Variants in NALF1 observed in about 807,000 individuals in gnomAD.
The protein encoded by NALF1 is family with sequence similarity 155 member A.
Under a neutral mutation model 48.4 loss-of-function variants are expected in NALF1, and 3 were observed. The ratio of observed to expected loss-of-function variants is 0.06; its 90% CI spans 0.03 to 0.16. NALF1 has a LOEUF of 0.16. Among genes scored for constraint, NALF1 ranks in the 10% least tolerant of loss-of-function variants. The pLI, the probability that NALF1 is intolerant of heterozygous loss-of-function variation, is 1.00. For synonymous variants in NALF1, 262 were observed against 245.7 expected, an observed-to-expected ratio of 1.07 and a Z score of -0.62; for missense variants, 526 against 571.5, an observed-to-expected ratio of 0.92 and a Z score of 0.81.
chr13:107,457,080 G>A (rs562022708), intron 1 of NALF1, among the ~76,000 whole-genome samples: 2 of 152,250 alleles, frequency 1.3e-5, no homozygotes, highest in African/African-American at 2.4e-5. Context: ...CTAAGGTTTA[G>A]ATAAAATCAT....
chr13:107,844,421 A>T (rs1210835519), intron 1 of NALF1, among the ~76,000 whole-genome samples: 1 of 152,186 alleles, frequency 6.6e-6, no homozygotes, highest in African/African-American at 2.4e-5. Context: ...CATTCTTAAG[A>T]TATACTTCAA....
intron 2 of NALF1, among the ~76,000 whole-genome samples, chr13:107,199,673 C>T (rs181425938): frequency 8.5e-5 from 13 of 152,210 alleles, no homozygotes; most frequent in Non-Finnish European, 1.3e-4. Flanking sequence ...TTCCAGGTAG[C>T]GGAGGTGTGT....
At position 107,467,936 on chromosome 13, in the gene NALF1, T is replaced by C. The variant is rs1017802050; in HGVS notation, c.916-257181A>G. Among the ~76,000 whole-genome samples the C allele has an allele frequency of 2.0e-5, 3 of 151,454 alleles. 1 individual carries two copies. The highest frequency in any genetic ancestry group is 2.9e-5 in the Non-Finnish European group (2 of 67,964). ...GGTGGCGGGCGCCTGTAGTCCCAGC[T>C]ACTCGGGAGGCTGAGGCAGGAGAAT... On this transcript the variant is annotated intron_variant, in intron 1 of 2. Coordinates refer to ENST00000375915, the MANE Select transcript of NALF1 (RefSeq NM_001080396.3).
intron 1 of NALF1, among the ~76,000 whole-genome samples, chr13:107,651,703 G>C (rs901510656): frequency 3.0e-4 from 46 of 152,194 alleles, no homozygotes; most frequent in African/African-American, 1.0e-3. Context: ...AGGACTTCCC[G>C]CTGTCTCTGA....
intron 1 of NALF1, among the ~76,000 whole-genome samples, chr13:107,727,616 T>C (rs1028625617): frequency 1.3e-5 from 2 of 152,144 alleles, no homozygotes; most frequent in Non-Finnish European, 1.5e-5. Context: ...GACACAGGCA[T>C]GGGCAAAGAC....
intron 2 of NALF1, among the ~76,000 whole-genome samples, chr13:107,180,683 T>C (rs1328335371): frequency 1.3e-5 from 2 of 151,844 alleles, no homozygotes; most frequent in Non-Finnish European, 2.9e-5. Flanking sequence ...TATAAAAATA[T>C]ATTTAATGTG....
chr13:107,859,385 A>C (rs1880510648), intron 1 of NALF1, among the ~76,000 whole-genome samples: 1 of 152,208 alleles, frequency 6.6e-6, no homozygotes. Flanking sequence ...TAAGCATCTG[A>C]GATAGCTTCT....
chr13:107,696,702 G>A (rs1040080161), intron 1 of NALF1, among the ~76,000 whole-genome samples: 13 of 152,032 alleles, frequency 8.6e-5, no homozygotes, highest in African/African-American at 1.4e-4. Context: ...AACCAGTAGC[G>A]TTTGGTACAC....
At chr13:107,441,060 C>A (rs189056835) in intron 1 of NALF1, among the ~76,000 whole-genome samples, 1 of 152,230 alleles carries the variant, frequency 6.6e-6, no homozygotes, top group East Asian at 1.9e-4. Context: ...TGTTAGGATA[C>A]CCTTCAAGTA....
At chr13:107,798,716 A>C (rs1019599513) in intron 1 of NALF1, among the ~76,000 whole-genome samples, 2 of 152,208 alleles carry the variant, frequency 1.3e-5, no homozygotes, top group Non-Finnish European at 2.9e-5. Context: ...AAGCATTTCT[A>C]AATAGAGTTT....
intron 1 of NALF1, among the ~76,000 whole-genome samples, chr13:107,637,074 G>C (rs573038434): frequency 9.5e-4 from 144 of 151,874 alleles, no homozygotes; most frequent in Middle Eastern, 6.8e-3. Flanking sequence ...CAGATTTGCA[G>C]CCTAGGAGCA....
At chr13:107,829,113 G>C (rs1472500061) in intron 1 of NALF1, among the ~76,000 whole-genome samples, 1 of 152,076 alleles carries the variant, frequency 6.6e-6, no homozygotes. Context: ...ACAAGCAAAG[G>C]TCAGAAAGAA....
intron 1 of NALF1, among the ~76,000 whole-genome samples, chr13:107,438,840 A>AAAAAAAAAAAAAAAAAAAAAAAT: frequency 6.8e-6 from 1 of 147,498 alleles, no homozygotes; most frequent in Non-Finnish European, 1.5e-5. Context: ...AAAAAAAAAA[A>AAAAAAAAAAAAAAAAAAAAAAAT]AAAAAAAAAA....
chr13:107,374,358 T>C (rs7990987), intron 1 of NALF1, among the ~76,000 whole-genome samples: 81,621 of 152,050 alleles, frequency 0.54, 22,413 homozygotes, highest in East Asian at 0.68. Flanking sequence ...AGCACATGAC[T>C]TCAGTGGACC....
intron 1 of NALF1, among the ~76,000 whole-genome samples, chr13:107,785,458 C>A (rs918482359): frequency 6.6e-6 from 1 of 152,144 alleles, no homozygotes; most frequent in South Asian, 2.1e-4. Flanking sequence ...GTATGGAAAG[C>A]CAAACATCGT....
At position 107,816,762 on chromosome 13, in the gene NALF1, T is replaced by G. The variant is rs192593599; in HGVS notation, c.915+48920A>C. ...TATTGCATTAAAAAAAAACCTTAAA[T>G]TAAACGTACAACAGAATTATGTTGA... On this transcript the variant is annotated intron_variant, in intron 1 of 2. Transcript: ENST00000375915. Among the ~76,000 whole-genome samples, 161 of 152,248 alleles carry G rather than the reference T, an allele frequency of 1.1e-3. 3 individuals are homozygous for G. The Middle Eastern group carries it at 0.014, about 13-fold the overall frequency.
At chr13:107,232,884 G>A (rs1880256609) in intron 1 of NALF1, among the ~76,000 whole-genome samples, 2 of 152,190 alleles carry the variant, frequency 1.3e-5, no homozygotes, top group South Asian at 4.1e-4. Flanking sequence ...ATTCCATGCA[G>A]TAGGCAGTGT....
At chr13:107,275,846 T>G (rs1881269510) in intron 1 of NALF1, among the ~76,000 whole-genome samples, 1 of 152,204 alleles carries the variant, frequency 6.6e-6, no homozygotes, top group South Asian at 2.1e-4. Context: ...ATGAAAATGC[T>G]GGCTGAGCCT....
intron 1 of NALF1, among the ~76,000 whole-genome samples, chr13:107,473,181 T>C (rs964947380): frequency 2.0e-5 from 3 of 152,220 alleles, no homozygotes; most frequent in African/African-American, 7.2e-5. Flanking sequence ...ACCACAGGCT[T>C]TTCTGTTTTT....
Sources: gnomAD v4.1 joint callset for allele counts (sites outside exome capture counted in the v4.1 genomes callset) on GRCh38, gnomAD v4.1.1 for gene constraint, MANE v1.5 for transcripts, NCBI Gene and HGNC (gene_info 2026-07-23, HGNC 2026-07-21) for gene names.